Variants in TLR5 observed in about 807,000 individuals in gnomAD.
TLR5 encodes the protein toll like receptor 5, also known as toll-like receptor 5.
For synonymous variants in TLR5, 373 were observed against 384.4 expected, an observed-to-expected ratio of 0.97 and a Z score of 0.35; for missense variants, 944 against 999.8, an observed-to-expected ratio of 0.94 and a Z score of 0.75.
chr1:223,119,545 A>T (rs1201282295), intron 5 of TLR5, among the ~76,000 whole-genome samples: 1 of 152,080 alleles, frequency 6.6e-6, no homozygotes, highest in Non-Finnish European at 1.5e-5. Flanking sequence ...GGGAAAGGTG[A>T]GGGGGTCAGA....
chr1:223,121,733 T>C (rs1262153480), intron 5 of TLR5, among the ~76,000 whole-genome samples: 1 of 152,212 alleles, frequency 6.6e-6, no homozygotes, highest in Non-Finnish European at 1.5e-5. Context: ...TTGCCCAGAA[T>C]GGTCTCGAAC....
In TLR5 at chr1:223,109,584, A is replaced by AGAT. The variant is rs1302399174; in HGVS notation, c.*868_*870dup. ...AATTTTCACAGGAATTCTATGACAT[A>AGAT]GATGCTGTTACGTGAGAAAATGTAG... On this transcript the variant is annotated 3_prime_UTR_variant, in exon 6 of 6. Coordinates refer to ENST00000642603, the MANE Select transcript of TLR5 (RefSeq NM_003268.6). 2.6e-5 allele frequency: 4 copies of AGAT among 152,188 alleles called. No individual in the cohort carries two copies. The highest frequency in any genetic ancestry group is 9.7e-5 in the African/African-American group (4 of 41,436). 9.4% of individuals were successfully genotyped at this position (152,188 alleles called of 1,614,324 possible). A position where few individuals can be genotyped will look rare whatever the true frequency, so the allele number is the denominator to read the frequency against.
chr1:223,117,960 C>T (rs565048150), intron 5 of TLR5, among the ~76,000 whole-genome samples: 5 of 152,208 alleles, frequency 3.3e-5, no homozygotes, highest in African/African-American at 9.7e-5. Flanking sequence ...TGGTGAATAA[C>T]GCTGTCAATA....
chr1:223,121,413 G>C (rs1255553447), intron 5 of TLR5, among the ~76,000 whole-genome samples: 1 of 152,224 alleles, frequency 6.6e-6, no homozygotes, highest in Non-Finnish European at 1.5e-5. Flanking sequence ...GTGCTGCAGT[G>C]CCGAGAGGTA....
At position 223,111,421 on chromosome 1, in the gene TLR5, C is replaced by T; in HGVS notation, c.1611G>A (p.Arg537=). ...AATCATTGTGAGAAAGAACTGTCAG[C>T]CTGTTGGAGTTGAGGCTTAGTCCCC... ...ALRGLSLNSN[R]LTVLSHNDLP... is the part of the protein sequence containing the mutation. Residue 537 remains arginine, a synonymous_variant, in exon 6 of 6, where the codon AGG becomes AGA. Coordinates refer to ENST00000642603, the MANE Select transcript of TLR5 (RefSeq NM_003268.6). 1 of 1,614,132 alleles carries T rather than the reference C, an allele frequency of 6.2e-7. No homozygotes were observed. The highest frequency in any genetic ancestry group is 8.5e-7 in the Non-Finnish European group (1 of 1,180,010).
At chr1:223,116,759 T>A (rs1302513005) in intron 5 of TLR5, among the ~76,000 whole-genome samples, 1 of 152,158 alleles carries the variant, frequency 6.6e-6, no homozygotes, top group Non-Finnish European at 1.5e-5. Context: ...TTACAATAGA[T>A]TAGCTAGACA....
intron 5 of TLR5, chr1:223,123,907 G>A (rs991785590): frequency 5.3e-5 from 8 of 152,212 alleles, no homozygotes; most frequent in African/African-American, 1.9e-4. Context: ...TGGTTATAGA[G>A]GGAGGAAAGA....
At chr1:223,141,799 A>G (rs1225766421) in intron 1 of TLR5, 36 bp from the exon 2 acceptor site, 1 of 51,664 alleles carries the variant, frequency 1.9e-5, no homozygotes, top group Non-Finnish European at 3.3e-5. Context: ...ATATATATAT[A>G]TATATATATA....
chr1:223,138,834 C>T (rs962042993), intron 2 of TLR5, among the ~76,000 whole-genome samples: 1 of 152,220 alleles, frequency 6.6e-6, no homozygotes, highest in Non-Finnish European at 1.5e-5. Context: ...CCACCCAAAT[C>T]TCATCTTGAA....
chr1:223,116,054 A>G (rs1656620535), intron 5 of TLR5, among the ~76,000 whole-genome samples: 1 of 152,182 alleles, frequency 6.6e-6, no homozygotes, highest in Non-Finnish European at 1.5e-5. Context: ...TCCTGCACAC[A>G]CTATTTGAAA....
intron 5 of TLR5, among the ~76,000 whole-genome samples, chr1:223,120,467 T>G (rs1656907848): frequency 6.6e-6 from 1 of 152,238 alleles, no homozygotes; most frequent in African/African-American, 2.4e-5. Context: ...GACTGATGTC[T>G]CGTGTCTCCC....
At chr1:223,141,820 T>TAG (rs1558137187) in intron 1 of TLR5, 57 bp from the exon 2 acceptor site, 78 of 43,882 alleles carry the variant, frequency 1.8e-3, no homozygotes, top group Non-Finnish European at 3.0e-3. Context: ...TATATATATA[T>TAG]ATAGAGAGAG....
chr1:223,142,040 C>T (rs547806546), intron 1 of TLR5, among the ~76,000 whole-genome samples: 1 of 151,998 alleles, frequency 6.6e-6, no homozygotes, highest in Non-Finnish European at 1.5e-5. Context: ...GCATGGCACA[C>T]TGGGAATTGT....
chr1:223,141,816 TATATATAG>T (rs1332576395), intron 1 of TLR5, 53 bp from the exon 2 acceptor site: 465 of 43,416 alleles, frequency 0.011, no homozygotes, highest in Non-Finnish European at 0.016. Context: ...TATATATATA[TATATATAG>T]AGAGAGAGAG....
At position 223,117,652 on chromosome 1, in the gene TLR5, G is replaced by A. The variant is rs79245903; in HGVS notation, c.-4-4617C>T. ...ACTGCCATCAACAGAAAGATAAAGG[G>A]ATTGGATCTGTTCGAGGACCTTTGC... On this transcript the variant is annotated intron_variant, in intron 5 of 5. Coordinates refer to ENST00000642603, the MANE Select transcript of TLR5 (RefSeq NM_003268.6). 4.7e-3 allele frequency among the ~76,000 whole-genome samples: 708 copies of A among 152,138 alleles called. 22 individuals are homozygous for A. In the East Asian group the frequency reaches 0.066, roughly 14 times the overall value.
Position 223,112,945 on chromosome 1 carries a change from T to C in TLR5, c.87A>G (p.Arg29=), listed in dbSNP as rs748735587. ...GGTTGCAGAAACGATAAAAGGCTATTCGGCCATCAAAGGAGCAGGAAGGAA... is the reference window on the plus strand; with the variant it reads ...GGTTGCAGAAACGATAAAAGGCTATCCGGCCATCAAAGGAGCAGGAAGGAA... ...FGIPSCSFDG[R]IAFYRFCNLT... The change falls in exon 6 of 6, where the codon CGA becomes CGG. Residue 29 remains arginine (R), a synonymous_variant. Transcript: ENST00000642603. 6.2e-7 allele frequency: 1 copy of C among 1,614,074 alleles called. No homozygotes were observed. The highest frequency in any genetic ancestry group is 1.1e-5 in the South Asian group (1 of 91,066).
chr1:223,111,702 G>T lies in TLR5; in HGVS notation c.1330C>A (p.Leu444Ile). 14 of 1,614,184 alleles carry T rather than the reference G, an allele frequency of 8.7e-6. No individual in the cohort carries two copies. The highest frequency in any genetic ancestry group is 1.2e-5 in the Non-Finnish European group (14 of 1,180,034). Residue 444 changes from leucine to isoleucine, a missense_variant, in exon 6 of 6, where the codon CTC becomes ATC. Coordinates refer to ENST00000642603, the MANE Select transcript of TLR5 (RefSeq NM_003268.6). ...ATCTGGAGATGAGGTACCCGTAGGA[G>T]AAAGTAGAGAATATCTAGATTTTCT... ...RLENLDILYFLLRVPHLQILI... is the reference protein window; with the variant it reads ...RLENLDILYFILRVPHLQILI...
At position 223,112,298 on chromosome 1, in the gene TLR5, T is replaced by C. The variant is rs561316186; in HGVS notation, c.734A>G (p.Asn245Ser). ...GCTTTTGCTGATGGCATTGCTAAAGTTTCCTGTGATGTCCACTGTCCAGCC... is the reference window on the plus strand; with the variant it reads ...GCTTTTGCTGATGGCATTGCTAAAGCTTCCTGTGATGTCCACTGTCCAGCC... ...GNGWTVDITG[N>S]FSNAISKSQA... The change falls in exon 6 of 6, where the codon AAC (asparagine) becomes AGC (serine). Residue 245 changes from asparagine to serine, a missense_variant. Coordinates refer to ENST00000642603, the MANE Select transcript of TLR5 (RefSeq NM_003268.6). 6.2e-7 allele frequency: 1 copy of C among 1,614,198 alleles called. No individual in the cohort carries two copies. The highest frequency in any genetic ancestry group is 1.1e-5 in the South Asian group (1 of 91,078).
chr1:223,141,848 G>GAGAGAGAA (rs1553271510), intron 1 of TLR5, 85 bp from the exon 2 acceptor site: 48 of 135,346 alleles, frequency 3.5e-4, no homozygotes, highest in African/African-American at 1.3e-3. Context: ...GAGAGAGAGA[G>GAGAGAGAA]AGAGAGAGAA....
Sources: allele counts gnomAD v4.1 joint callset (sites outside exome capture counted in the v4.1 genomes callset), GRCh38; gene constraint gnomAD v4.1.1; transcripts MANE v1.5; gene names NCBI Gene and HGNC (gene_info 2026-07-23, HGNC 2026-07-21).